Variants in ESRRG observed in about 807,000 individuals in gnomAD.
ESRRG encodes estrogen related receptor gamma.
In ESRRG, 13 loss-of-function variants were observed where a neutral mutation model predicts 44.0. The observed-to-expected ratio is 0.30, with a 90% CI of 0.19 to 0.47. The LOEUF (loss-of-function observed/expected upper bound fraction) is 0.47. Among genes scored for constraint, ESRRG ranks in the 20% least tolerant of loss-of-function variants. The pLI is 1.00. For synonymous variants in ESRRG, 215 were observed against 214.6 expected (o/e 1.00, Z -0.02); for missense variants, 395 against 580.6 (o/e 0.68, Z 3.29).
chr1:217,030,703 A>G (rs2081948410), intron 1 of ESRRG, among the ~76,000 whole-genome samples: 1 of 152,182 alleles, frequency 6.6e-6, no homozygotes, highest in South Asian at 2.1e-4. Context: ...TACATTATAA[A>G]CATGTTCCAG....
chr1:216,642,580 G>C (rs1031034994), intron 3 of ESRRG, among the ~76,000 whole-genome samples: 1 of 152,070 alleles, frequency 6.6e-6, no homozygotes, highest in Non-Finnish European at 1.5e-5. Flanking sequence ...ATTAATGAGG[G>C]AGCTTCTTAG....
At chr1:216,721,961 G>C (rs1052437783) in intron 1 of ESRRG, among the ~76,000 whole-genome samples, 1 of 152,088 alleles carries the variant, frequency 6.6e-6, no homozygotes, top group African/African-American at 2.4e-5. Flanking sequence ...AATATTCCCT[G>C]TGTGAGCATG....
At chr1:216,637,357 G>A (rs941224556) in intron 3 of ESRRG, among the ~76,000 whole-genome samples, 1 of 152,140 alleles carries the variant, frequency 6.6e-6, no homozygotes, top group Non-Finnish European at 1.5e-5. Context: ...AAATGTTCTT[G>A]TTATTGCACA....
At chr1:216,778,075 A>T (rs2093679603) in intron 2 of ESRRG, among the ~76,000 whole-genome samples, 2 of 152,112 alleles carry the variant, frequency 1.3e-5, no homozygotes, top group African/African-American at 2.4e-5. Flanking sequence ...TAGAAATTAT[A>T]AAACAGACCA....
At chr1:216,703,564 T>G (rs976848733) in intron 1 of ESRRG, among the ~76,000 whole-genome samples, 2 of 152,132 alleles carry the variant, frequency 1.3e-5, no homozygotes, top group African/African-American at 4.8e-5. Context: ...TTACTAATTC[T>G]GTATAAATGT....
intron 1 of ESRRG, among the ~76,000 whole-genome samples, chr1:216,984,525 T>A (rs1436559859): frequency 6.6e-6 from 1 of 152,192 alleles, no homozygotes; most frequent in Non-Finnish European, 1.5e-5. Flanking sequence ...TAACCATTCC[T>A]ATAATGGGAA....
intron 5 of ESRRG, among the ~76,000 whole-genome samples, chr1:216,554,854 A>G (rs913625138): frequency 2.6e-5 from 4 of 152,202 alleles, no homozygotes; most frequent in Non-Finnish European, 5.9e-5. Flanking sequence ...AGGGAAATGA[A>G]CAGCAAAGGA....
chr1:216,844,207 G>A (rs1280611838), intron 2 of ESRRG, among the ~76,000 whole-genome samples: 2 of 152,082 alleles, frequency 1.3e-5, no homozygotes, highest in Non-Finnish European at 2.9e-5. Context: ...TTAAGATCCA[G>A]ATCCTCCCTA....
intron 2 of ESRRG, among the ~76,000 whole-genome samples, chr1:216,733,849 G>C (rs1281064525): frequency 6.6e-6 from 1 of 151,966 alleles, no homozygotes; most frequent in African/African-American, 2.4e-5. Flanking sequence ...AATTAGCCAG[G>C]TGTGGTGGTG....
At chr1:216,795,590 C>T (rs1051507292) in intron 2 of ESRRG, among the ~76,000 whole-genome samples, 1 of 151,936 alleles carries the variant, frequency 6.6e-6, no homozygotes, top group Non-Finnish European at 1.5e-5. Context: ...ATCCACCCGC[C>T]TCGGCCTCCC....
intron 3 of ESRRG, among the ~76,000 whole-genome samples, chr1:216,628,233 A>G (rs965799330): frequency 6.6e-6 from 1 of 152,150 alleles, no homozygotes. Context: ...ATAGGATCCA[A>G]TCTTTATTTA....
At chr1:216,690,117 A>T (rs966650274) in intron 1 of ESRRG, among the ~76,000 whole-genome samples, 7 of 152,148 alleles carry the variant, frequency 4.6e-5, no homozygotes, top group African/African-American at 1.7e-4. Context: ...ACTACAAGTG[A>T]AAACATATCC....
intron 1 of ESRRG, among the ~76,000 whole-genome samples, chr1:217,024,336 C>T (rs914443344): frequency 2.0e-5 from 3 of 149,230 alleles, no homozygotes; most frequent in Non-Finnish European, 3.0e-5. Flanking sequence ...CCAGCCTGAG[C>T]GACAGAGCAA....
chr1:216,576,417 C>G (rs930954974), intron 3 of ESRRG, among the ~76,000 whole-genome samples: 6 of 151,144 alleles, frequency 4.0e-5, no homozygotes, highest in Non-Finnish European at 5.9e-5. Context: ...CCTTGCTCTA[C>G]AGATGAATTA....
intron 1 of ESRRG, among the ~76,000 whole-genome samples, chr1:216,987,083 C>T (rs1437777966): frequency 3.3e-5 from 5 of 152,148 alleles, no homozygotes; most frequent in Non-Finnish European, 5.9e-5. Context: ...AGATATTTTA[C>T]AGAGGAGTGC....
intron 1 of ESRRG, among the ~76,000 whole-genome samples, chr1:216,693,385 G>C (rs538925773): frequency 6.6e-6 from 1 of 152,242 alleles, no homozygotes; most frequent in Non-Finnish European, 1.5e-5. Context: ...TCTTGTCTTG[G>C]CCTCCCAAAG....
At chr1:216,689,323 A>G (rs2078629414) in intron 1 of ESRRG, among the ~76,000 whole-genome samples, 1 of 152,128 alleles carries the variant, frequency 6.6e-6, no homozygotes. Flanking sequence ...TCACTACCTA[A>G]GTTTCCTATG....
chr1:217,125,164 G>A (rs1167796593), intron 1 of ESRRG, among the ~76,000 whole-genome samples: 3 of 152,110 alleles, frequency 2.0e-5, no homozygotes, highest in Admixed American at 6.6e-5. Flanking sequence ...GGGAGGGAGG[G>A]CAGTGGGACT....
chr1:216,739,541 A>G (rs1017435656), intron 2 of ESRRG, among the ~76,000 whole-genome samples: 2 of 152,160 alleles, frequency 1.3e-5, no homozygotes, highest in African/African-American at 4.8e-5. Flanking sequence ...GTAGTTCTCA[A>G]AGGAAAATAT....
Sources: allele counts gnomAD v4.1 joint callset (sites outside exome capture counted in the v4.1 genomes callset), GRCh38; gene constraint gnomAD v4.1.1; transcripts MANE v1.5; gene names NCBI Gene and HGNC (gene_info 2026-07-23, HGNC 2026-07-21).